Variants in LANCL2 observed in about 807,000 individuals in gnomAD.
LANCL2 encodes the protein LanC like glutathione S-transferase 2, also known as lanC-like protein 2.
Under a neutral mutation model 56.9 loss-of-function variants are expected in LANCL2, and 33 were observed. The ratio of observed to expected loss-of-function variants is 0.58; its 90% confidence interval spans 0.44 to 0.78. The LOEUF is 0.78. Among genes scored for constraint, LANCL2 ranks in the 30% least tolerant of loss-of-function variants. The probability of loss-of-function intolerance (pLI) is 0.00; values close to 1 mark genes in which losing one functional copy is unlikely to be tolerated. For missense variants in LANCL2, 562 were observed against 580.2 expected (o/e 0.97, Z 0.32); for synonymous variants, 233 against 228.2 (o/e 1.02, Z -0.19).
rs374009224 is a variant in LANCL2, at chr7:55,366,142, C to T, written c.117C>T (p.Leu39=). Residue 39 remains leucine, a synonymous_variant, in exon 1 of 9, where the codon CTC becomes CTT. Transcript: ENST00000254770. The part of the protein sequence containing the change: ...PDYEAAAGAL[L]ASGAAEETGC... ...ACGAGGCCGCCGCCGGGGCGCTGCT[C>T]GCCTCCGGAGCGGCCGAAGAGACAG... 10 of 1,548,572 alleles carry T rather than the reference C, an allele frequency of 6.5e-6. No individual in the cohort carries two copies. In the East Asian group the frequency reaches 9.7e-5, roughly 15 times the overall value.
intron 1 of LANCL2, among the ~76,000 whole-genome samples, chr7:55,375,068 TGTTCA>T (rs1276741943): frequency 2.6e-5 from 4 of 152,252 alleles, no homozygotes; most frequent in African/African-American, 9.6e-5. Flanking sequence ...CATACCTAAA[TGTTCA>T]ATTTATGCAT....
chr7:55,414,547 G>A (rs1790505148), intron 6 of LANCL2, among the ~76,000 whole-genome samples: 1 of 152,144 alleles, frequency 6.6e-6, no homozygotes, highest in Admixed American at 6.5e-5. Context: ...TGTAAGTTCA[G>A]TCCAGACTCA....
At chr7:55,407,310 C>G (rs1790419468) in intron 5 of LANCL2, among the ~76,000 whole-genome samples, 1 of 152,178 alleles carries the variant, frequency 6.6e-6, no homozygotes, top group South Asian at 2.1e-4. Context: ...CACCGCCAGC[C>G]TCAGGCACCG....
intron 1 of LANCL2, 50 bp from the exon 2 acceptor site, chr7:55,391,743 C>T (rs1583749901): frequency 2.0e-6 from 2 of 982,738 alleles, no homozygotes; most frequent in South Asian, 2.6e-5. Flanking sequence ...TTTATTGCAA[C>T]ATTGTCCCAT....
chr7:55,369,889 C>T (rs1221358562), intron 1 of LANCL2, among the ~76,000 whole-genome samples: 2 of 152,218 alleles, frequency 1.3e-5, no homozygotes, highest in Admixed American at 6.5e-5. Flanking sequence ...CAGCCCCACC[C>T]CTAGGGCTGA....
intron 4 of LANCL2, among the ~76,000 whole-genome samples, chr7:55,400,824 T>C (rs73698397): frequency 0.051 from 7,738 of 152,282 alleles, 667 homozygotes; most frequent in African/African-American, 0.18. Context: ...GATAGGTGTA[T>C]GTGCTGCTCT....
chr7:55,378,759 C>T (rs1790031703), intron 1 of LANCL2, among the ~76,000 whole-genome samples: 1 of 152,062 alleles, frequency 6.6e-6, no homozygotes. Context: ...TGGCAAAGGG[C>T]AGAGAAATGA....
intron 5 of LANCL2, among the ~76,000 whole-genome samples, chr7:55,409,393 T>C (rs1390746482): frequency 1.3e-5 from 2 of 152,110 alleles, no homozygotes; most frequent in African/African-American, 2.4e-5. Flanking sequence ...CCGGCCAACT[T>C]CCAAGTTTTG....
At chr7:55,379,541 A>G (rs1790042400) in intron 1 of LANCL2, 1 of 152,636 alleles carries the variant, frequency 6.6e-6, no homozygotes, top group Admixed American at 6.5e-5. Flanking sequence ...TGGGGACTAG[A>G]TACGGGCTAG....
intron 1 of LANCL2, among the ~76,000 whole-genome samples, chr7:55,376,639 T>G (rs1484677582): frequency 6.6e-6 from 1 of 152,248 alleles, no homozygotes; most frequent in Non-Finnish European, 1.5e-5. Flanking sequence ...AACTCCTGAA[T>G]GCCTTCCACA....
At chr7:55,366,783 A>G (rs1789878907) in intron 1 of LANCL2, among the ~76,000 whole-genome samples, 1 of 152,236 alleles carries the variant, frequency 6.6e-6, no homozygotes, top group African/African-American at 2.4e-5. Context: ...TTAACAACAG[A>G]AAAACATACA....
intron 5 of LANCL2, among the ~76,000 whole-genome samples, chr7:55,405,643 C>T (rs1473513598): frequency 6.6e-6 from 1 of 150,946 alleles, no homozygotes; most frequent in African/African-American, 2.4e-5. Context: ...CGTCCACCAC[C>T]ATGCCTGGCC....
intron 6 of LANCL2, among the ~76,000 whole-genome samples, chr7:55,413,135 T>A (rs1790489645): frequency 6.6e-6 from 1 of 152,260 alleles, no homozygotes; most frequent in African/African-American, 2.4e-5. Flanking sequence ...CAATGAAATG[T>A]ATTTTTTGAA....
chr7:55,386,556 G>A (rs73697219), intron 1 of LANCL2, among the ~76,000 whole-genome samples: 7,721 of 152,240 alleles, frequency 0.051, 664 homozygotes, highest in African/African-American at 0.17. Context: ...GAGCTAAGTT[G>A]TAGGTGTCTG....
rs1287408353 is a variant in LANCL2, at chr7:55,366,159, A to G, written c.134A>G (p.Glu45Gly). 1.3e-6 allele frequency: 2 copies of G among 1,557,620 alleles called. No individual in the cohort carries two copies. Among genetic ancestry groups the G allele is most frequent in the South Asian group, 1.2e-5 (1 of 84,436 alleles). ...AGALLASGAA[E>G]ETGCVRPPAT... is the part of the protein sequence containing the mutation. ...GCGCTGCTCGCCTCCGGAGCGGCCG[A>G]AGAGACAGGCTGTGTTCGTCCCCCG... Residue 45 changes from glutamate to glycine, a missense_variant, in exon 1 of 9, where the codon GAA becomes GGA. Transcript: ENST00000254770.
chr7:55,394,624 A>G (rs1790228638), intron 2 of LANCL2, among the ~76,000 whole-genome samples: 1 of 152,224 alleles, frequency 6.6e-6, no homozygotes, highest in Non-Finnish European at 1.5e-5. Flanking sequence ...ACTTTGAGAC[A>G]GAAAACACAC....
intron 5 of LANCL2, among the ~76,000 whole-genome samples, chr7:55,407,579 G>A (rs962585779): frequency 6.6e-6 from 1 of 152,208 alleles, no homozygotes; most frequent in Non-Finnish European, 1.5e-5. Flanking sequence ...CATTTAAGTT[G>A]GTGGACTTTG....
chr7:55,420,632 T>C (rs1314366050), intron 6 of LANCL2, among the ~76,000 whole-genome samples: 1 of 152,182 alleles, frequency 6.6e-6, no homozygotes, highest in Non-Finnish European at 1.5e-5. Flanking sequence ...TAGTAAATAT[T>C]TTAGGCTTGT....
chr7:55,374,876 A>G (rs1055190408), intron 1 of LANCL2, among the ~76,000 whole-genome samples: 7 of 152,220 alleles, frequency 4.6e-5, no homozygotes, highest in African/African-American at 1.4e-4. Context: ...TATTTTTATC[A>G]TCTTTAAAAT....
Sources: allele counts gnomAD v4.1 joint callset (sites outside exome capture counted in the v4.1 genomes callset), GRCh38; gene constraint gnomAD v4.1.1; transcripts MANE v1.5; gene names NCBI Gene and HGNC (gene_info 2026-07-23, HGNC 2026-07-21).